The following TOPAZ1 variants were observed in gnomAD, a reference collection of about 807,000 sequenced individuals.
The protein encoded by TOPAZ1 is protein TOPAZ1.
A neutral mutation model predicts 172.2 loss-of-function variants in TOPAZ1; 66 were observed. That is an observed-to-expected ratio of 0.38 (90% CI 0.31 to 0.47). The LOEUF (loss-of-function observed/expected upper bound fraction) is 0.47, where lower values mean the gene tolerates loss of function less well. Ranked by LOEUF, TOPAZ1 falls within the 20% of genes least tolerant of loss-of-function variation. TOPAZ1 has a pLI of 0.99. For missense variants in TOPAZ1, 1,822 were observed against 1,972.4 expected (o/e 0.92, Z 1.44); for synonymous variants, 681 against 683.9 (o/e 1.00, Z 0.07).
chr3:44,248,237 T>G (rs1339475525), intron 2 of TOPAZ1, among the ~76,000 whole-genome samples: 1 of 152,216 alleles, frequency 6.6e-6, no homozygotes, highest in Non-Finnish European at 1.5e-5. Context: ...TTTCTTCTTG[T>G]TTTCCACCTT....
chr3:44,305,595 C>G (rs1482722296), intron 14 of TOPAZ1, among the ~76,000 whole-genome samples: 1 of 152,082 alleles, frequency 6.6e-6, no homozygotes, highest in Non-Finnish European at 1.5e-5. Flanking sequence ...GTCTCGAACT[C>G]TTGTGCTCAA....
intron 19 of TOPAZ1, among the ~76,000 whole-genome samples, chr3:44,328,885 C>A (rs1700632517): frequency 6.6e-6 from 1 of 152,158 alleles, no homozygotes; most frequent in Non-Finnish European, 1.5e-5. Context: ...GCTATATATG[C>A]ATAAATATTA....
At position 44,242,335 on chromosome 3, in the gene TOPAZ1, G is replaced by C; in HGVS notation, c.282G>C (p.Ser94=). The C allele has an allele frequency of 1.3e-6, 2 of 1,552,354 alleles. No homozygotes were observed. Among genetic ancestry groups the C allele is most frequent in the Non-Finnish European group, 1.7e-6 (2 of 1,147,142 alleles). ...GGGGCCCGGTGAGCCCGTCAGACTC[G>C]TCAGACCCGCGAGGCCTAGAAGCAG... ...GRRGPVSPSD[S]SDPRGLEAAK... The change falls in exon 1 of 20, where the codon TCG becomes TCC. Residue 94 remains serine (S), a synonymous_variant. Coordinates refer to ENST00000309765, the MANE Select transcript of TOPAZ1 (RefSeq NM_001145030.2).
intron 2 of TOPAZ1, among the ~76,000 whole-genome samples, chr3:44,246,006 G>A (rs1007776984): frequency 2.6e-5 from 4 of 152,120 alleles, no homozygotes; most frequent in Admixed American, 6.5e-5. Flanking sequence ...CTCCTTGTTC[G>A]ATAAAAAGTT....
chr3:44,311,124 CATAT>C (rs201160819), intron 16 of TOPAZ1, among the ~76,000 whole-genome samples: 1 of 151,580 alleles, frequency 6.6e-6, no homozygotes, highest in African/African-American at 2.4e-5. Flanking sequence ...AACACTAGCA[CATAT>C]ATATATATTC....
intron 16 of TOPAZ1, among the ~76,000 whole-genome samples, chr3:44,312,048 G>T (rs903230760): frequency 1.6e-4 from 25 of 151,722 alleles, no homozygotes; most frequent in African/African-American, 5.1e-4. Context: ...TGTATACAAA[G>T]GTATGCATAT....
chr3:44,261,214 G>A (rs1699772195), intron 4 of TOPAZ1, among the ~76,000 whole-genome samples: 1 of 151,890 alleles, frequency 6.6e-6, no homozygotes, highest in Non-Finnish European at 1.5e-5. Context: ...TCCTCGGTTT[G>A]TTATGTTTTA....
At chr3:44,298,929 TTTTTTCCC>T (rs1559541965) in intron 12 of TOPAZ1, among the ~76,000 whole-genome samples, 1 of 52,548 alleles carries the variant, frequency 1.9e-5, no homozygotes, top group African/African-American at 6.5e-5. Context: ...TTTTTTTTTT[TTTTTTCCC>T]CCTGAGATAG....
At chr3:44,264,925 T>C (rs1227804430) in intron 5 of TOPAZ1, among the ~76,000 whole-genome samples, 2 of 152,218 alleles carry the variant, frequency 1.3e-5, no homozygotes, top group Non-Finnish European at 1.5e-5. Context: ...AGGCTCCACT[T>C]CTACTTCTAG....
intron 3 of TOPAZ1, among the ~76,000 whole-genome samples, chr3:44,255,344 T>C (rs1409228088): frequency 6.7e-6 from 1 of 148,224 alleles, no homozygotes; most frequent in Admixed American, 7.0e-5. Context: ...ATTTTAAATC[T>C]CAGTTGCTTA....
chr3:44,261,069 T>C (rs1699770625), intron 4 of TOPAZ1, among the ~76,000 whole-genome samples: 1 of 152,098 alleles, frequency 6.6e-6, no homozygotes. Flanking sequence ...TGGTAAAATA[T>C]GTTTTGGTGG....
chr3:44,275,275 C>T (rs1699940951), intron 8 of TOPAZ1, among the ~76,000 whole-genome samples: 1 of 151,988 alleles, frequency 6.6e-6, no homozygotes, highest in South Asian at 2.1e-4. Context: ...AGTCATCCTA[C>T]ACTGCTATCA....
At chr3:44,262,532 A>G in intron 5 of TOPAZ1, 49 bp downstream of exon 5, 1 of 975,980 alleles carries the variant, frequency 1.0e-6, no homozygotes, top group South Asian at 1.6e-5. Flanking sequence ...TCACTCATCT[A>G]ATTTATATCT....
At chr3:44,302,876 T>A (rs1221432824) in intron 12 of TOPAZ1, among the ~76,000 whole-genome samples, 1 of 152,240 alleles carries the variant, frequency 6.6e-6, no homozygotes, top group Non-Finnish European at 1.5e-5. Context: ...AGGATCTTGC[T>A]CTGTTTCCCG....
At chr3:44,316,574 TG>T (rs899581121) in intron 16 of TOPAZ1, among the ~76,000 whole-genome samples, 95 of 152,260 alleles carry the variant, frequency 6.2e-4, no homozygotes, top group African/African-American at 2.1e-3. Flanking sequence ...AACTTTATGA[TG>T]TTTTTTGCAT....
intron 13 of TOPAZ1, among the ~76,000 whole-genome samples, chr3:44,304,878 A>G (rs1700317125): frequency 6.6e-6 from 1 of 152,238 alleles, no homozygotes; most frequent in Non-Finnish European, 1.5e-5. Flanking sequence ...GGGTGAATAC[A>G]GTTAAATACT....
chr3:44,259,004 G>A (rs1699746322), intron 4 of TOPAZ1, among the ~76,000 whole-genome samples: 1 of 152,218 alleles, frequency 6.6e-6, no homozygotes, highest in Non-Finnish European at 1.5e-5. Flanking sequence ...TCAGAGATCA[G>A]CTAGAGATTT....
In TOPAZ1 at chr3:44,287,791, T is replaced by A; in HGVS notation, c.3633T>A (p.Thr1211=). Residue 1211 remains threonine, a synonymous_variant, in exon 11 of 20, where the codon ACT becomes ACA. Transcript: ENST00000309765. ...ILLNIFEYVA[T]MKLRNAVPAL... ...TAAACATATTTGAGTATGTGGCAAC[T>A]ATGAAATTAAGGAATGCTGTACCTG... 6.6e-7 allele frequency: 1 copy of A among 1,515,610 alleles called. No individual in the cohort carries two copies. The highest frequency in any genetic ancestry group is 1.3e-5 in the South Asian group (1 of 78,906). 93.9% of individuals were successfully genotyped at this position (1,515,610 alleles called of 1,614,324 possible).
chr3:44,318,759 A>G (rs989590977), intron 16 of TOPAZ1, among the ~76,000 whole-genome samples: 7 of 146,732 alleles, frequency 4.8e-5, no homozygotes, highest in Non-Finnish European at 7.5e-5. Context: ...CATTCCTCGG[A>G]AAAAAAAAAT....
Sources: allele counts gnomAD v4.1 joint callset (sites outside exome capture counted in the v4.1 genomes callset), GRCh38; gene constraint gnomAD v4.1.1; transcripts MANE v1.5; gene names NCBI Gene and HGNC (gene_info 2026-07-23, HGNC 2026-07-21).